TRAPPC9: variants seen among roughly 807,000 people sequenced by gnomAD.
TRAPPC9 encodes trafficking protein particle complex subunit 9.
TRAPPC9 carries 83 observed loss-of-function variants against 124.0 expected under a neutral mutation model. The ratio of observed to expected loss-of-function variants is 0.67; its 90% CI spans 0.56 to 0.80. The LOEUF (loss-of-function observed/expected upper bound fraction) is 0.80. TRAPPC9 is among the 30% of genes least tolerant of loss of function. The pLI, the probability that TRAPPC9 is intolerant of heterozygous loss-of-function variation, is 0.00. For missense variants in TRAPPC9, 1,302 were observed against 1,508.3 expected (o/e 0.86, Z 2.27); for synonymous variants, 638 against 617.5 (o/e 1.03, Z -0.49).
intron 17 of TRAPPC9, among the ~76,000 whole-genome samples, chr8:140,031,379 C>G (rs1406511635): frequency 1.3e-5 from 2 of 152,116 alleles, no homozygotes; most frequent in African/African-American, 4.8e-5. Context: ...CCTAACGTTC[C>G]ACAACTTCTA....
chr8:140,393,037 A>T lies in TRAPPC9; in HGVS notation c.1134+4583T>A, dbSNP rs900592109. Reference sequence around the variant, plus strand: ...ATATTATCATTCCCATTTTATTTTTATTTTATTTTATTTTATTTTATTTTA... The same window carrying T: ...ATATTATCATTCCCATTTTATTTTTTTTTTATTTTATTTTATTTTATTTTA... On this transcript the variant is annotated intron_variant, in intron 7 of 22. Transcript: ENST00000438773. Among the ~76,000 whole-genome samples the T allele has an allele frequency of 4.0e-4, 8 of 19,918 alleles. No individual in the cohort carries two copies. In the South Asian group the frequency reaches 4.3e-3, roughly 11 times the overall value. 13.1% of individuals were successfully genotyped at this position (19,918 alleles called of 152,430 possible).
At chr8:140,248,182 T>C (rs1204944179) in intron 16 of TRAPPC9, among the ~76,000 whole-genome samples, 2 of 152,136 alleles carry the variant, frequency 1.3e-5, no homozygotes, top group African/African-American at 4.8e-5. Flanking sequence ...TGTTTGGGGG[T>C]GGTACTCAAG....
chr8:140,135,420 G>A (rs747298337), intron 17 of TRAPPC9, among the ~76,000 whole-genome samples: 1 of 152,154 alleles, frequency 6.6e-6, no homozygotes, highest in African/African-American at 2.4e-5. Context: ...TAAACAAAAT[G>A]TGCTATATAT....
At chr8:140,088,368 C>T (rs1016369541) in intron 17 of TRAPPC9, among the ~76,000 whole-genome samples, 1 of 152,200 alleles carries the variant, frequency 6.6e-6, no homozygotes, top group Non-Finnish European at 1.5e-5. Context: ...TCAAAACCAT[C>T]TTAGTGATAA....
chr8:140,239,239 C>T (rs1010625066), intron 16 of TRAPPC9, among the ~76,000 whole-genome samples: 15 of 152,084 alleles, frequency 9.9e-5, no homozygotes, highest in Admixed American at 8.5e-4. Context: ...AGCCCACAGG[C>T]AGGCGGGCAG....
chr8:140,197,024 C>T (rs2062687481), intron 17 of TRAPPC9, among the ~76,000 whole-genome samples: 1 of 152,216 alleles, frequency 6.6e-6, no homozygotes, highest in Admixed American at 6.5e-5. Context: ...AACAGAGTAA[C>T]ACTCGGTAAA....
intron 10 of TRAPPC9, among the ~76,000 whole-genome samples, chr8:140,301,425 C>T (rs1324134869): frequency 6.6e-6 from 1 of 152,192 alleles, no homozygotes; most frequent in African/African-American, 2.4e-5. Flanking sequence ...CTATTGTCTC[C>T]ATGTCATCAA....
At chr8:139,979,095 G>A (rs75547168) in intron 19 of TRAPPC9, among the ~76,000 whole-genome samples, 1,854 of 151,820 alleles carry the variant, frequency 0.012, 38 homozygotes, top group African/African-American at 0.042. Flanking sequence ...GGAGCCGTGA[G>A]GGTCAGGTCT....
chr8:139,788,588 C>T lies in TRAPPC9; in HGVS notation c.3056-56386G>A, dbSNP rs1822435002. ...CTGGCATGGAGGTCCGTGGCCACTC[C>T]ACGACAGCCCATGAAGAACGGTACC... On this transcript the variant is annotated intron_variant, in intron 21 of 22. Coordinates refer to ENST00000438773, the MANE Select transcript of TRAPPC9 (RefSeq NM_001160372.4). The surrounding 1 kb of genome is among the most constrained non-coding windows in gnomAD (Gnocchi z 4.9). Among the ~76,000 whole-genome samples, 1 of 152,210 alleles carries T rather than the reference C, an allele frequency of 6.6e-6. No homozygotes were observed. Among genetic ancestry groups the T allele is most frequent in the South Asian group, 2.1e-4 (1 of 4,828 alleles).
intron 9 of TRAPPC9, among the ~76,000 whole-genome samples, chr8:140,321,319 C>T (rs2066589394): frequency 1.3e-5 from 2 of 152,224 alleles, no homozygotes; most frequent in Non-Finnish European, 2.9e-5. Flanking sequence ...CGGAGCTCAG[C>T]ATGAGCTCCC....
At chr8:139,786,959 G>A (rs1822296469) in intron 21 of TRAPPC9, among the ~76,000 whole-genome samples, 1 of 152,122 alleles carries the variant, frequency 6.6e-6, no homozygotes, top group East Asian at 1.9e-4. Context: ...TCTTGGTGGT[G>A]GTGACGGTTT....
At chr8:140,040,987 G>A (rs554747191) in intron 17 of TRAPPC9, 4 of 152,350 alleles carry the variant, frequency 2.6e-5, no homozygotes, top group South Asian at 2.1e-4. Context: ...TGATGCTGGC[G>A]CTGGCATTTA....
intron 21 of TRAPPC9, among the ~76,000 whole-genome samples, chr8:139,871,376 G>A (rs1383954883): frequency 6.6e-6 from 1 of 152,156 alleles, no homozygotes; most frequent in African/African-American, 2.4e-5. Context: ...CTTGTTTTCA[G>A]AACCTGACAG....
chr8:139,810,854 G>A (rs1812745350), intron 21 of TRAPPC9, among the ~76,000 whole-genome samples: 1 of 152,170 alleles, frequency 6.6e-6, no homozygotes, highest in South Asian at 2.1e-4. Context: ...AGGTGGGGGA[G>A]TCCCTAATGA....
At chr8:140,194,485 G>T (rs2062586971) in intron 17 of TRAPPC9, among the ~76,000 whole-genome samples, 1 of 152,134 alleles carries the variant, frequency 6.6e-6, no homozygotes, top group Non-Finnish European at 1.5e-5. Flanking sequence ...GTCTGTACAT[G>T]TTCAGTACAG....
At chr8:139,855,922 C>G (rs1827773424) in intron 21 of TRAPPC9, among the ~76,000 whole-genome samples, 1 of 152,180 alleles carries the variant, frequency 6.6e-6, no homozygotes, top group African/African-American at 2.4e-5. Flanking sequence ...GGCAGTGAGG[C>G]CTGGTAAAAA....
At chr8:139,829,386 T>C (rs932297020) in intron 21 of TRAPPC9, among the ~76,000 whole-genome samples, 1 of 152,256 alleles carries the variant, frequency 6.6e-6, no homozygotes, top group Non-Finnish European at 1.5e-5. Context: ...TCCAAAGCAG[T>C]AGTCTCTGTC....
chr8:140,202,421 GA>G (rs1306920336), intron 17 of TRAPPC9, among the ~76,000 whole-genome samples: 3 of 152,094 alleles, frequency 2.0e-5, no homozygotes, highest in African/African-American at 7.2e-5. Context: ...AGTAAAGGGG[GA>G]AAAAAAGTAG....
At chr8:139,851,092 C>A (rs1827414009) in intron 21 of TRAPPC9, among the ~76,000 whole-genome samples, 1 of 152,182 alleles carries the variant, frequency 6.6e-6, no homozygotes, top group South Asian at 2.1e-4. Context: ...GTCATGGGTT[C>A]CTTACACACT....
Sources: gnomAD v4.1 joint callset for allele counts (sites outside exome capture counted in the v4.1 genomes callset) on GRCh38, gnomAD v4.1.1 for gene constraint, Gnocchi (gnomAD v3.1) non-coding constraint, MANE v1.5 for transcripts, NCBI Gene and HGNC (gene_info 2026-07-23, HGNC 2026-07-21) for gene names.